The following FHIT variants were observed in gnomAD, a reference collection of about 807,000 sequenced individuals.
The protein encoded by FHIT is bis(5'-adenosyl)-triphosphatase.
FHIT carries 19 observed loss-of-function variants against 17.9 expected under a neutral mutation model. That is an observed-to-expected ratio of 1.06 (90% CI 0.74 to 1.56). The LOEUF is 1.56. Ranked by LOEUF, FHIT falls within the 40% of genes most tolerant of loss-of-function variation. The pLI is 0.00. For missense variants in FHIT, 248 were observed against 189.2 expected (o/e 1.31, Z -1.82); for synonymous variants, 81 against 69.7 (o/e 1.16, Z -0.81).
At chr3:60,639,132 G>T (rs2039663799) in intron 4 of FHIT, among the ~76,000 whole-genome samples, 1 of 150,084 alleles carries the variant, frequency 6.7e-6, no homozygotes, top group Admixed American at 6.7e-5. Context: ...GCAACTTTGT[G>T]TCCTAAGGGC....
intron 2 of FHIT, among the ~76,000 whole-genome samples, chr3:61,067,817 C>A (rs187568340): frequency 2.6e-5 from 4 of 152,308 alleles, no homozygotes; most frequent in African/African-American, 9.6e-5. Flanking sequence ...ACACCCCAAG[C>A]CTTGAGTTAA....
chr3:61,015,117 G>C (rs1246860322), intron 3 of FHIT, among the ~76,000 whole-genome samples: 2 of 151,930 alleles, frequency 1.3e-5, no homozygotes, highest in Non-Finnish European at 2.9e-5. Flanking sequence ...TAATTTAACA[G>C]TAACAATAGA....
intron 5 of FHIT, among the ~76,000 whole-genome samples, chr3:60,519,987 A>G (rs2035299756): frequency 6.6e-6 from 1 of 152,222 alleles, no homozygotes; most frequent in Non-Finnish European, 1.5e-5. Flanking sequence ...TAGCAATACA[A>G]GGTGGCTACA....
At chr3:60,177,759 A>G (rs892840422) in intron 5 of FHIT, among the ~76,000 whole-genome samples, 1 of 152,206 alleles carries the variant, frequency 6.6e-6, no homozygotes, top group Non-Finnish European at 1.5e-5. Flanking sequence ...AGGTTCAGCT[A>G]AAGAGTTCTC....
chr3:59,958,686 C>A (rs1315909585), intron 7 of FHIT, among the ~76,000 whole-genome samples: 1 of 152,154 alleles, frequency 6.6e-6, no homozygotes, highest in African/African-American at 2.4e-5. Flanking sequence ...GCTAGGGTTG[C>A]AAAATGATGA....
intron 3 of FHIT, among the ~76,000 whole-genome samples, chr3:60,877,936 T>C (rs1344092534): frequency 2.0e-5 from 3 of 152,088 alleles, no homozygotes; most frequent in African/African-American, 7.2e-5. Flanking sequence ...ACATGGAGTC[T>C]GGGATACAGA....
intron 5 of FHIT, among the ~76,000 whole-genome samples, chr3:60,136,658 T>C (rs1210149762): frequency 6.6e-6 from 1 of 152,056 alleles, no homozygotes; most frequent in Non-Finnish European, 1.5e-5. Flanking sequence ...TACCTTACCT[T>C]ACATAGGACC....
intron 8 of FHIT, among the ~76,000 whole-genome samples, chr3:59,871,499 C>G (rs772703170): frequency 2.0e-5 from 3 of 152,118 alleles, no homozygotes; most frequent in Non-Finnish European, 4.4e-5. Context: ...CCCCATTTTT[C>G]AGATGAGGAT....
At chr3:59,887,814 C>A (rs997600126) in intron 8 of FHIT, among the ~76,000 whole-genome samples, 1 of 152,132 alleles carries the variant, frequency 6.6e-6, no homozygotes, top group Non-Finnish European at 1.5e-5. Context: ...CAAGGGACAG[C>A]GGGAGACCTT....
rs1559779135 is a variant in FHIT at position 60,860,455 on chromosome 3, T to TATATATC, written c.-110-38445_-110-38444insGATATAT. On this transcript the variant is annotated intron_variant, in intron 3 of 9. Transcript: ENST00000492590. ...ATATATATCATGTATATATGATACA[T>TATATATC]ATGTACATATATATGTATATATGAT... Among the ~76,000 whole-genome samples the TATATATC allele has an allele frequency of 1.1e-4, 13 of 122,160 alleles. 3 individuals carry two copies. Among genetic ancestry groups the TATATATC allele is most frequent in the Admixed American group, 1.6e-4 (2 of 12,230 alleles). The allele number at this position is 122,160 out of a possible 152,430, so 80.1% of individuals were successfully genotyped here. A position where few individuals can be genotyped will look rare whatever the true frequency, so the allele number is the denominator to read the frequency against.
intron 8 of FHIT, among the ~76,000 whole-genome samples, chr3:59,918,116 T>A (rs983674436): frequency 2.0e-5 from 3 of 152,240 alleles, no homozygotes; most frequent in Non-Finnish European, 2.9e-5. Context: ...CCAGTGTGGC[T>A]ATGAGTTAGT....
rs139515762 is a variant in FHIT at position 61,103,608 on chromosome 3, T to C, written c.-163-61509A>G. ...AGCTGAGTTCAGGTCCTGGATATCCTTGTTAACCTTCCATCTCATTGATCT... is the reference window on the plus strand; with the variant it reads ...AGCTGAGTTCAGGTCCTGGATATCCCTGTTAACCTTCCATCTCATTGATCT... On this transcript the variant is annotated intron_variant, in intron 2 of 9. Transcript: ENST00000492590. Among the ~76,000 whole-genome samples the C allele has an allele frequency of 1.0e-3, 157 of 152,318 alleles. 2 individuals carry two copies. Among genetic ancestry groups the C allele is most frequent in the African/African-American group, 3.7e-3 (154 of 41,574 alleles).
chr3:60,609,039 T>C (rs540012406), intron 4 of FHIT, among the ~76,000 whole-genome samples: 187 of 148,640 alleles, frequency 1.3e-3, no homozygotes, highest in African/African-American at 4.3e-3. Flanking sequence ...AAAAAAAAAG[T>C]ATATAAATGT....
intron 2 of FHIT, among the ~76,000 whole-genome samples, chr3:61,076,429 C>A (rs756063089): frequency 2.0e-5 from 3 of 152,086 alleles, no homozygotes; most frequent in Non-Finnish European, 4.4e-5. Context: ...AAAGTGAGAT[C>A]CATCCATGAC....
intron 5 of FHIT, among the ~76,000 whole-genome samples, chr3:60,059,655 C>A (rs77740822): frequency 6.6e-6 from 1 of 152,120 alleles, no homozygotes; most frequent in Non-Finnish European, 1.5e-5. Flanking sequence ...GAGGCAAGAA[C>A]TGAGGTTGCT....
chr3:60,341,474 A>C (rs1006901), intron 5 of FHIT, among the ~76,000 whole-genome samples: 57,192 of 151,874 alleles, frequency 0.38, 11,930 homozygotes, highest in South Asian at 0.64. Context: ...AATGAGAAAA[A>C]TGTGTTTCTA....
intron 1 of FHIT, among the ~76,000 whole-genome samples, chr3:61,203,999 G>A (rs2039120913): frequency 6.6e-6 from 1 of 152,136 alleles, no homozygotes; most frequent in Admixed American, 6.5e-5. Flanking sequence ...TTCTTAGAAT[G>A]GAGTATTATA....
At chr3:60,828,602 G>C (rs1702207190) in intron 3 of FHIT, among the ~76,000 whole-genome samples, 1 of 152,158 alleles carries the variant, frequency 6.6e-6, no homozygotes. Context: ...GAGCAGGCTA[G>C]GCATGGTGGC....
intron 8 of FHIT, among the ~76,000 whole-genome samples, chr3:59,879,534 G>C (rs1329695774): frequency 5.9e-5 from 9 of 152,034 alleles, no homozygotes; most frequent in African/African-American, 2.2e-4. Context: ...TTCCATAATG[G>C]GGTAGATGAA....
Sources: allele counts gnomAD v4.1 joint callset (sites outside exome capture counted in the v4.1 genomes callset), GRCh38; gene constraint gnomAD v4.1.1; transcripts MANE v1.5; gene names NCBI Gene and HGNC (gene_info 2026-07-23, HGNC 2026-07-21).